The following CAMKMT variants were observed in gnomAD, a reference collection of about 807,000 sequenced individuals.
CAMKMT encodes the protein CaM KMT.
A neutral mutation model predicts 48.0 loss-of-function variants in CAMKMT; 53 were observed. The observed-to-expected ratio is 1.10, with a 90% CI of 0.89 to 1.39. The LOEUF (loss-of-function observed/expected upper bound fraction) is 1.39. CAMKMT is among the 40% of genes most tolerant of loss of function. CAMKMT has a pLI of 0.00. For synonymous variants in CAMKMT, 165 were observed against 152.3 expected (o/e 1.08, Z -0.61); for missense variants, 428 against 402.7 (o/e 1.06, Z -0.54).
intron 3 of CAMKMT, among the ~76,000 whole-genome samples, chr2:44,572,239 T>G (rs1398263084): frequency 1.3e-5 from 2 of 152,120 alleles, no homozygotes; most frequent in Non-Finnish European, 2.9e-5. Flanking sequence ...TAGAGACAGG[T>G]TCTCCCTGTG....
intron 3 of CAMKMT, among the ~76,000 whole-genome samples, chr2:44,578,627 CTT>C (rs1330027207): frequency 1.2e-4 from 19 of 152,150 alleles, no homozygotes; most frequent in Admixed American, 1.3e-4. Context: ...AACTGAAACA[CTT>C]TCCTAGTTCT....
intron 3 of CAMKMT, among the ~76,000 whole-genome samples, chr2:44,411,979 A>ATTT (rs541645446): frequency 9.8e-5 from 9 of 91,838 alleles, no homozygotes; most frequent in African/African-American, 3.5e-4. Context: ...ATTCTCTTCA[A>ATTT]TTTTTTTTTT....
chr2:44,447,288 G>T (rs1056937216), intron 3 of CAMKMT, among the ~76,000 whole-genome samples: 72 of 152,284 alleles, frequency 4.7e-4, no homozygotes, highest in Middle Eastern at 3.4e-3. Context: ...CACTAGAATA[G>T]TTGATTTCCT....
At chr2:44,475,241 C>G (rs1038363439) in intron 3 of CAMKMT, among the ~76,000 whole-genome samples, 3 of 151,638 alleles carry the variant, frequency 2.0e-5, no homozygotes, top group African/African-American at 7.3e-5. Flanking sequence ...AGTGGTTGGA[C>G]TTGTTCTGAA....
intron 3 of CAMKMT, among the ~76,000 whole-genome samples, chr2:44,673,520 AGGAG>A (rs754694512): frequency 0.082 from 7,207 of 87,978 alleles, 274 homozygotes; most frequent in Middle Eastern, 0.13. Flanking sequence ...GAAGGAAGGA[AGGAG>A]GGAAGGAAGA....
chr2:44,609,641 C>G (rs138729856), intron 3 of CAMKMT, among the ~76,000 whole-genome samples: 132 of 152,290 alleles, frequency 8.7e-4, no homozygotes, highest in African/African-American at 3.1e-3. Context: ...GCTTCTTGAC[C>G]ATTGCAATTT....
In CAMKMT at chr2:44,375,613, A is replaced by G. The variant is rs112255600; in HGVS notation, c.311+2725A>G. On this transcript the variant is annotated intron_variant, in intron 2 of 10. Coordinates refer to ENST00000378494, the MANE Select transcript of CAMKMT (RefSeq NM_024766.5). Reference sequence around the variant, plus strand: ...AAAAAACTGGATCTGGAAGTACTTGAAAGTTCTGGGAGAAGGGGATGCCCA... The same window carrying G: ...AAAAAACTGGATCTGGAAGTACTTGGAAGTTCTGGGAGAAGGGGATGCCCA... Among the ~76,000 whole-genome samples the G allele has an allele frequency of 3.2e-3, 482 of 152,274 alleles. 2 individuals carry two copies. The highest frequency in any genetic ancestry group is 0.027 in the Middle Eastern group (8 of 292).
At chr2:44,406,401 C>T (rs1268397334) in intron 3 of CAMKMT, among the ~76,000 whole-genome samples, 1 of 151,872 alleles carries the variant, frequency 6.6e-6, no homozygotes, top group Non-Finnish European at 1.5e-5. Flanking sequence ...AGAGATATTC[C>T]TATTCAGATA....
chr2:44,750,776 G>A (rs1400477319), intron 8 of CAMKMT, among the ~76,000 whole-genome samples: 2 of 152,230 alleles, frequency 1.3e-5, no homozygotes, highest in Non-Finnish European at 2.9e-5. Context: ...CAATTTGGGA[G>A]ACTGAGGTGG....
chr2:44,437,437 C>A (rs1036671731), intron 3 of CAMKMT, among the ~76,000 whole-genome samples: 1 of 148,602 alleles, frequency 6.7e-6, no homozygotes, highest in African/African-American at 2.6e-5. Context: ...TGGCAAGGGA[C>A]CTGGGGCCGT....
chr2:44,653,100 C>T lies in CAMKMT; in HGVS notation c.377-51183C>T, dbSNP rs147785739. Among the ~76,000 whole-genome samples, 56 of 152,276 alleles carry T rather than the reference C, an allele frequency of 3.7e-4. 1 individual carries two copies. In the East Asian group the frequency reaches 9.7e-3, roughly 26 times the overall value. On this transcript the variant is annotated intron_variant, in intron 3 of 10. Coordinates refer to ENST00000378494, the MANE Select transcript of CAMKMT (RefSeq NM_024766.5). This position sits in a 1 kb window ranked among gnomAD's most constrained non-coding sequence, Gnocchi z 5.2. Reference sequence around the variant, plus strand: ...TGGCATATTCTGATTCCTCCCAGGACACATTGGCTAGTTTCTAACGTACAG... The same window carrying T: ...TGGCATATTCTGATTCCTCCCAGGATACATTGGCTAGTTTCTAACGTACAG...
rs1247612152 is a variant in CAMKMT, at chr2:44,362,133, G to A, written c.126G>A (p.Lys42=). 1.4e-6 allele frequency: 2 copies of A among 1,477,156 alleles called. No homozygotes were observed. The highest frequency in any genetic ancestry group is 2.8e-5 in the Admixed American group (1 of 35,342). 91.5% of individuals were successfully genotyped at this position (1,477,156 alleles called of 1,614,324 possible). The change falls in exon 1 of 11, where the codon AAG becomes AAA. Residue 42 remains lysine (K), a synonymous_variant. Coordinates refer to ENST00000378494, the MANE Select transcript of CAMKMT (RefSeq NM_024766.5). Reference sequence around the variant, plus strand: ...CGCCCCTGGGAGCCGCCCGGTGGAAGCTCCTGCGGCAGGTAAGGGAGAACC... The same window carrying A: ...CGCCCCTGGGAGCCGCCCGGTGGAAACTCCTGCGGCAGGTAAGGGAGAACC... ...VSAPLGAARW[K]LLRQVLKQKH... is the part of the protein sequence containing the mutation.
chr2:44,362,121 C>T lies in CAMKMT; in HGVS notation c.114C>T (p.Ala38=), dbSNP rs780566707. 8.1e-6 allele frequency: 12 copies of T among 1,475,136 alleles called. No individual in the cohort carries two copies. Among genetic ancestry groups the T allele is most frequent in the South Asian group, 1.3e-5 (1 of 74,820 alleles). 91.4% of individuals were successfully genotyped at this position (1,475,136 alleles called of 1,614,324 possible). A position where few individuals can be genotyped will look rare whatever the true frequency, so the allele number is the denominator to read the frequency against. The change falls in exon 1 of 11, where the codon GCC becomes GCT. Residue 38 remains alanine (A), a synonymous_variant. Coordinates refer to ENST00000378494, the MANE Select transcript of CAMKMT (RefSeq NM_024766.5). ...CCGTAGTCTCGGCGCCCCTGGGAGC[C>T]GCCCGGTGGAAGCTCCTGCGGCAGG... The part of the protein sequence containing the change: ...RGPVVSAPLG[A]ARWKLLRQVL...
intron 3 of CAMKMT, among the ~76,000 whole-genome samples, chr2:44,605,607 A>G (rs1405365992): frequency 6.6e-6 from 1 of 152,180 alleles, no homozygotes; most frequent in Non-Finnish European, 1.5e-5. Flanking sequence ...TTTATTTTTA[A>G]GAATCAAAAA....
intron 3 of CAMKMT, among the ~76,000 whole-genome samples, chr2:44,632,251 A>G (rs1050782412): frequency 6.6e-6 from 1 of 152,174 alleles, no homozygotes; most frequent in Non-Finnish European, 1.5e-5. Flanking sequence ...CAAGTCTGCT[A>G]GTAATATCAT....
At chr2:44,603,017 G>A (rs764943179) in intron 3 of CAMKMT, among the ~76,000 whole-genome samples, 2 of 151,912 alleles carry the variant, frequency 1.3e-5, no homozygotes, top group Non-Finnish European at 2.9e-5. Flanking sequence ...TTCAGTATGT[G>A]CTTATGTACC....
chr2:44,760,059 G>A (rs1000338391), intron 9 of CAMKMT, among the ~76,000 whole-genome samples: 1 of 152,144 alleles, frequency 6.6e-6, no homozygotes, highest in Non-Finnish European at 1.5e-5. Flanking sequence ...TGGGCTAGGA[G>A]AATGAATATG....
intron 3 of CAMKMT, among the ~76,000 whole-genome samples, chr2:44,477,779 A>G (rs1668762659): frequency 6.6e-6 from 1 of 152,234 alleles, no homozygotes; most frequent in African/African-American, 2.4e-5. Flanking sequence ...ATATTTAAAG[A>G]AAAGAAGGAA....
At chr2:44,680,639 G>T (rs913737678) in intron 3 of CAMKMT, among the ~76,000 whole-genome samples, 6 of 152,172 alleles carry the variant, frequency 3.9e-5, no homozygotes, top group Non-Finnish European at 7.3e-5. Flanking sequence ...ATTTTCACAT[G>T]ATGCCACTTA....
Sources: allele counts gnomAD v4.1 joint callset (sites outside exome capture counted in the v4.1 genomes callset), GRCh38; gene constraint gnomAD v4.1.1; non-coding constraint Gnocchi (gnomAD v3.1); transcripts MANE v1.5; gene names NCBI Gene and HGNC (gene_info 2026-07-23, HGNC 2026-07-21).